Variants in BTAF1 observed in about 807,000 individuals in gnomAD.
BTAF1 encodes the protein B-TFIID TATA-box binding protein associated factor 1.
Under a neutral mutation model 227.1 loss-of-function variants are expected in BTAF1, and 38 were observed. The observed-to-expected ratio is 0.17, with a 90% CI of 0.13 to 0.22. BTAF1 has a LOEUF of 0.22. Ranked by LOEUF, BTAF1 falls within the 10% of genes least tolerant of loss-of-function variation. BTAF1 has a pLI of 1.00. For synonymous variants in BTAF1, 742 were observed against 751.9 expected (o/e 0.99, Z 0.21); for missense variants, 1,598 against 2,204.0 (o/e 0.73, Z 5.51).
intron 6 of BTAF1, among the ~76,000 whole-genome samples, 178 bp from the exon 7 acceptor site, chr10:91,956,350 G>A (rs1846083827): frequency 6.6e-6 from 1 of 152,176 alleles, no homozygotes. Context: ...TAAGCAGTTA[G>A]TCGTTTGATA....
chr10:91,930,207 A>T (rs1844179373), intron 1 of BTAF1, among the ~76,000 whole-genome samples: 1 of 152,212 alleles, frequency 6.6e-6, no homozygotes, highest in Admixed American at 6.5e-5. Context: ...GCTGCTAAAG[A>T]ACCTAGATTA....
chr10:91,993,552 C>T (rs1848943140), intron 21 of BTAF1, 142 bp from the exon 22 acceptor site: 4 of 648,712 alleles, frequency 6.2e-6, no homozygotes, highest in African/African-American at 5.6e-5. Flanking sequence ...ATAATTGAGA[C>T]AAACATGTCT....
In BTAF1 at chr10:91,982,100, G is replaced by A. The variant is rs1448482449; in HGVS notation, c.1923G>A (p.Lys641=). The A allele has an allele frequency of 6.2e-7, 1 of 1,613,052 alleles. No homozygotes were observed. Among genetic ancestry groups the A allele is most frequent in the East Asian group, 2.2e-5 (1 of 44,846 alleles). ...KARAKEKTGG[K]VRQGQSQNKE... ...CTCTGTAGGAAAAAACAGGTGGTAA[G>A]GTGCGCCAAGGCCAAAGCCAGAATA... Residue 641 remains lysine (K), a synonymous_variant, in exon 17 of 38, where the codon AAG becomes AAA. Transcript: ENST00000265990.
rs1456685766 is a variant in BTAF1, at chr10:91,923,788, C to T, written c.-289C>T. 19 of 393,992 alleles carry T rather than the reference C, an allele frequency of 4.8e-5. No homozygotes were observed. The highest frequency in any genetic ancestry group is 9.1e-5 in the Admixed American group (2 of 22,050). The allele number at this position is 393,992 out of a possible 1,614,324, so 24.4% of individuals were successfully genotyped here. Reference sequence around the variant, plus strand: ...GACGCTCAGTTGTGCGTGCCGACGCCCGCGTCAGCAAAGAGCGGAGCTGAG... The same window carrying T: ...GACGCTCAGTTGTGCGTGCCGACGCTCGCGTCAGCAAAGAGCGGAGCTGAG... On this transcript the variant is annotated 5_prime_UTR_variant, in exon 1 of 38. Transcript: ENST00000265990.
At chr10:92,017,608 T>C (rs1233064723) in intron 33 of BTAF1, among the ~76,000 whole-genome samples, 1 of 152,008 alleles carries the variant, frequency 6.6e-6, no homozygotes, top group Non-Finnish European at 1.5e-5. Flanking sequence ...ATTCCAGGGC[T>C]CAAGCGATCC....
rs564937861 is a variant in BTAF1, at chr10:91,924,072, C to T, written c.-5C>T. On this transcript the variant is annotated 5_prime_UTR_variant, in exon 1 of 38. Coordinates refer to ENST00000265990, the MANE Select transcript of BTAF1 (RefSeq NM_003972.3). The stretch of plus-strand genomic sequence containing the variant: ...CGGGGAGCTCCGAACCGCCGGCGCC[C>T]GGCCATGGCGGTCTCCAGGTGGGTC... The T allele has an allele frequency of 1.1e-4, 182 of 1,608,474 alleles. No homozygotes were observed. Among genetic ancestry groups the T allele is most frequent in the Middle Eastern group, 6.6e-4 (4 of 6,048 alleles).
chr10:92,009,835 T>C (rs1443486621), intron 28 of BTAF1, among the ~76,000 whole-genome samples: 7 of 152,238 alleles, frequency 4.6e-5, no homozygotes, highest in South Asian at 2.1e-4. Context: ...ACATCTCTTA[T>C]GTTCCTAACT....
chr10:91,929,528 C>G, intron 1 of BTAF1, among the ~76,000 whole-genome samples: 1 of 152,302 alleles, frequency 6.6e-6, no homozygotes, highest in East Asian at 1.9e-4. Flanking sequence ...TTAATTTTCT[C>G]TTTGCACTGT....
intron 2 of BTAF1, among the ~76,000 whole-genome samples, chr10:91,936,033 A>G (rs907002654): frequency 3.3e-5 from 5 of 151,684 alleles, no homozygotes; most frequent in Admixed American, 2.0e-4. Flanking sequence ...TAAGTTGTTT[A>G]TCTGGTTTGT....
intron 13 of BTAF1, 63 bp from the exon 14 acceptor site, chr10:91,966,574 G>C: frequency 2.6e-6 from 4 of 1,540,574 alleles, no homozygotes; most frequent in Non-Finnish European, 3.6e-6. Flanking sequence ...AGAATATTTA[G>C]ATAATGTATC....
At chr10:91,945,174 GT>G (rs201168547) in intron 4 of BTAF1, among the ~76,000 whole-genome samples, 12 of 147,630 alleles carry the variant, frequency 8.1e-5, no homozygotes, top group East Asian at 2.0e-4. Flanking sequence ...TTTTGTGGTG[GT>G]TTTTTTTTTA....
At chr10:91,945,492 C>G (rs1456276684) in intron 4 of BTAF1, among the ~76,000 whole-genome samples, 1 of 152,142 alleles carries the variant, frequency 6.6e-6, no homozygotes, top group Non-Finnish European at 1.5e-5. Context: ...CTTTCTGTCT[C>G]CATGAATTTG....
chr10:91,981,781 G>A lies in BTAF1; in HGVS notation c.1894G>A (p.Ala632Thr). ...IDLNMLLEVK[A>T]RAKEKTGGKV... is the part of the protein sequence containing the mutation. ...TTTAAATATGTTGCTAGAAGTAAAAGCTAGAGCCAAGGTAAGTGTAGAGGG... is the reference window on the plus strand; with the variant it reads ...TTTAAATATGTTGCTAGAAGTAAAAACTAGAGCCAAGGTAAGTGTAGAGGG... Residue 632 changes from alanine to threonine, a missense_variant, in exon 16 of 38, where the codon GCT becomes ACT. Ala to Thr is a moderately conservative substitution (Grantham distance 58). Transcript: ENST00000265990. 6.2e-7 allele frequency: 1 copy of A among 1,613,126 alleles called. No homozygotes were observed. Among genetic ancestry groups the A allele is most frequent in the Non-Finnish European group, 8.5e-7 (1 of 1,179,562 alleles).
chr10:92,013,503 A>G (rs557108040), intron 30 of BTAF1, among the ~76,000 whole-genome samples, 164 bp from the exon 31 acceptor site: 1 of 152,214 alleles, frequency 6.6e-6, no homozygotes, highest in Non-Finnish European at 1.5e-5. Flanking sequence ...AAGGATACTG[A>G]CCTGAATTTT....
chr10:92,017,504 TTTTTGTTTTG>T lies in BTAF1; in HGVS notation c.4710+1054_4710+1063del, dbSNP rs755372053. ...GGAAAAGATAGTTGTGAAGATCTAG[TTTTTGTTTTG>T]TTTTGTTTTGTTTTTTTAAGAGAAG... On this transcript the variant is annotated intron_variant, in intron 33 of 37. Transcript: ENST00000265990. 1.1e-4 allele frequency among the ~76,000 whole-genome samples: 16 copies of T among 151,876 alleles called. No homozygotes were observed. In the East Asian group the frequency reaches 1.4e-3, roughly 13 times the overall value.
intron 1 of BTAF1, chr10:91,935,076 C>T (rs573085837): frequency 1.3e-5 from 2 of 152,204 alleles, no homozygotes; most frequent in East Asian, 3.9e-4. Flanking sequence ...GTAGTCCTAG[C>T]ATAGGTCACT....
rs768298633 is a variant in BTAF1 at position 92,013,768 on chromosome 10, A to G, written c.4413A>G (p.Ala1471=). 6.2e-7 allele frequency: 1 copy of G among 1,614,086 alleles called. No individual in the cohort carries two copies. The highest frequency in any genetic ancestry group is 8.5e-7 in the Non-Finnish European group (1 of 1,180,030). The change falls in exon 31 of 38, where the codon GCA becomes GCG. Residue 1471 remains alanine, a synonymous_variant. Coordinates refer to ENST00000265990, the MANE Select transcript of BTAF1 (RefSeq NM_003972.3). ...CTCGATATGGTAAACCTATATTAGC[A>G]AGTAGGGATGCTCGAAGCTCCAGTC... ...FAARYGKPIL[A]SRDARSSSRE... is the part of the protein sequence containing the mutation.
intron 16 of BTAF1, 33 bp downstream of exon 16, chr10:91,981,825 T>C (rs2133983390): frequency 6.3e-7 from 1 of 1,581,312 alleles, no homozygotes; most frequent in Non-Finnish European, 8.6e-7. Flanking sequence ...TATTTGTGTG[T>C]TCATCATCTA....
intron 14 of BTAF1, among the ~76,000 whole-genome samples, chr10:91,967,028 C>G (rs1846965113): frequency 6.6e-6 from 1 of 152,160 alleles, no homozygotes; most frequent in South Asian, 2.1e-4. Flanking sequence ...ATTGAATAGT[C>G]TCTTCCTGTC....
Sources: gnomAD v4.1 joint callset for allele counts (sites outside exome capture counted in the v4.1 genomes callset) on GRCh38, gnomAD v4.1.1 for gene constraint, MANE v1.5 for transcripts, NCBI Gene and HGNC (gene_info 2026-07-23, HGNC 2026-07-21) for gene names.